Variants in SMIM14 observed in about 807,000 individuals in gnomAD.
The protein encoded by SMIM14 is small integral membrane protein 14, also known as chromosome 4 open reading frame 34.
A neutral mutation model predicts 12.6 loss-of-function variants in SMIM14; 5 were observed. The ratio of observed to expected loss-of-function variants is 0.40; its 90% CI spans 0.21 to 0.83. SMIM14 has a LOEUF of 0.83. Ranked by LOEUF, SMIM14 falls within the 40% of genes least tolerant of loss-of-function variation. The pLI is 0.37. For synonymous variants in SMIM14, 30 were observed against 40.1 expected, an observed-to-expected ratio of 0.75 and a Z score of 0.95; for missense variants, 86 against 119.1, an observed-to-expected ratio of 0.72 and a Z score of 1.29.
At chr4:39,556,404 G>T in intron 4 of SMIM14, 24 bp downstream of exon 4, 1 of 1,601,268 alleles carries the variant, frequency 6.2e-7, no homozygotes, top group Non-Finnish European at 8.5e-7. Context: ...TACCCAAAAA[G>T]CATTTAAAAT....
At chr4:39,587,583 T>A (rs1713850843) in intron 2 of SMIM14, among the ~76,000 whole-genome samples, 1 of 150,990 alleles carries the variant, frequency 6.6e-6, no homozygotes, top group Non-Finnish European at 1.5e-5. Flanking sequence ...CCAAACATGC[T>A]CTTCTAGAAT....
At chr4:39,584,503 A>AAAAAAAAAAAAAAAAAAC (rs1560293029) in intron 2 of SMIM14, among the ~76,000 whole-genome samples, 1 of 139,020 alleles carries the variant, frequency 7.2e-6, no homozygotes, top group Non-Finnish European at 1.6e-5. Context: ...AAAAAAAAAA[A>AAAAAAAAAAAAAAAAAAC]AAGACAAACA....
At chr4:39,628,243 G>A (rs1353616296) in intron 1 of SMIM14, among the ~76,000 whole-genome samples, 2 of 150,334 alleles carry the variant, frequency 1.3e-5, no homozygotes, top group African/African-American at 4.9e-5. Context: ...GGAGGCAGAC[G>A]TTGCAGTGAG....
rs1560289687 is a variant in SMIM14, at chr4:39,576,674, ATATATATATATTTTTTTTTTTTT to A, written c.76-4234_76-4212del. On this transcript the variant is annotated intron_variant, in intron 2 of 4. Coordinates refer to ENST00000295958, the MANE Select transcript of SMIM14 (RefSeq NM_174921.3). ...TGTGTGTATGTGTATATATATATATATATATATATATTTTTTTTTTTTTTTTTTTTTTTTTTTTTTTTTTTTTT... is the reference window on the plus strand; with the variant it reads ...TGTGTGTATGTGTATATATATATATATTTTTTTTTTTTTTTTTTTTTTTTT... 2.5e-3 allele frequency among the ~76,000 whole-genome samples: 72 copies of A among 28,242 alleles called. 1 individual carries two copies. The highest frequency in any genetic ancestry group is 7.7e-3 in the African/African-American group (72 of 9,318). The allele number at this position is 28,242 out of a possible 152,430, so 18.5% of individuals were successfully genotyped here.
chr4:39,606,566 G>C (rs1010419319), intron 1 of SMIM14, among the ~76,000 whole-genome samples: 2 of 150,742 alleles, frequency 1.3e-5, no homozygotes, highest in Admixed American at 6.7e-5. Flanking sequence ...GCTTGAATCC[G>C]GGAGGCAGAT....
At chr4:39,580,715 CG>C (rs1412295038) in intron 2 of SMIM14, among the ~76,000 whole-genome samples, 2 of 151,744 alleles carry the variant, frequency 1.3e-5, no homozygotes, top group Non-Finnish European at 2.9e-5. Flanking sequence ...TCAGTAGAGA[CG>C]GGGTTTCACC....
chr4:39,570,185 G>C (rs895034574), intron 3 of SMIM14, among the ~76,000 whole-genome samples: 3 of 151,608 alleles, frequency 2.0e-5, no homozygotes, highest in Non-Finnish European at 2.9e-5. Context: ...TTGTTTTAGA[G>C]AGTCTCGCCC....
In SMIM14 at chr4:39,547,863, G is replaced by C. The variant is rs1358742996; in HGVS notation, c.*4263C>G. The C allele has an allele frequency of 6.6e-6, 1 of 151,482 alleles. No homozygotes were observed. Among genetic ancestry groups the C allele is most frequent in the Non-Finnish European group, 1.5e-5 (1 of 67,944 alleles). 9.4% of individuals were successfully genotyped at this position (151,482 alleles called of 1,614,324 possible). On this transcript the variant is annotated 3_prime_UTR_variant, in exon 5 of 5. Transcript: ENST00000295958. ...TATGAAATATGACTTGCTGACCATG[G>C]AACAGTGCTTGGATAGATAACATGA...
intron 2 of SMIM14, among the ~76,000 whole-genome samples, chr4:39,575,874 C>T (rs368377030): frequency 1.2e-4 from 18 of 150,810 alleles, no homozygotes; most frequent in East Asian, 1.9e-4. Flanking sequence ...GGATTACAGG[C>T]GTGAGCCACC....
chr4:39,606,065 G>T (rs1021503176), intron 1 of SMIM14, among the ~76,000 whole-genome samples: 2 of 152,086 alleles, frequency 1.3e-5, no homozygotes, highest in African/African-American at 2.4e-5. Context: ...AGATATTAAG[G>T]CCAGGCGCAC....
chr4:39,554,087 TCAACACCA>T (rs1336401779), intron 4 of SMIM14, among the ~76,000 whole-genome samples: 3 of 152,192 alleles, frequency 2.0e-5, no homozygotes, highest in African/African-American at 7.2e-5. Flanking sequence ...ACTTCTGATA[TCAACACCA>T]CAACACTGGA....
chr4:39,620,817 T>G (rs1049182352), intron 1 of SMIM14, among the ~76,000 whole-genome samples: 2 of 152,212 alleles, frequency 1.3e-5, no homozygotes, highest in Non-Finnish European at 2.9e-5. Context: ...CTGGCAGGAA[T>G]AAACAAGTTT....
At chr4:39,621,971 C>T (rs1436615159) in intron 1 of SMIM14, among the ~76,000 whole-genome samples, 2 of 151,836 alleles carry the variant, frequency 1.3e-5, no homozygotes, top group East Asian at 1.9e-4. Flanking sequence ...AATGAGCCAC[C>T]GCACTCGGCC....
chr4:39,595,390 T>C (rs1309926366), intron 2 of SMIM14, among the ~76,000 whole-genome samples: 2 of 113,824 alleles, frequency 1.8e-5, no homozygotes, highest in African/African-American at 6.9e-5. Flanking sequence ...AACATCACAC[T>C]CTGGGGACTG....
At chr4:39,619,876 A>ATTTTTTTTT (rs368919092) in intron 1 of SMIM14, among the ~76,000 whole-genome samples, 6 of 115,868 alleles carry the variant, frequency 5.2e-5, no homozygotes, top group African/African-American at 2.1e-4. Context: ...ATATATATAT[A>ATTTTTTTTT]TTTTTTTTTT....
chr4:39,568,885 A>G (rs1277724570), intron 3 of SMIM14, among the ~76,000 whole-genome samples: 3 of 152,214 alleles, frequency 2.0e-5, no homozygotes, highest in Non-Finnish European at 4.4e-5. Flanking sequence ...CTGGGGGGAA[A>G]GAAAAACTTG....
chr4:39,630,131 T>C (rs912458541), intron 1 of SMIM14, among the ~76,000 whole-genome samples: 13 of 152,238 alleles, frequency 8.5e-5, no homozygotes, highest in Non-Finnish European at 1.9e-4. Flanking sequence ...CTGAGCGCAG[T>C]GGCTCACACC....
chr4:39,557,468 C>T (rs1323495358), intron 3 of SMIM14, among the ~76,000 whole-genome samples: 1 of 151,980 alleles, frequency 6.6e-6, no homozygotes, highest in African/African-American at 2.4e-5. Context: ...GAACTCTTTC[C>T]ATTTTAAGAA....
intron 1 of SMIM14, among the ~76,000 whole-genome samples, chr4:39,626,013 G>A (rs1442726328): frequency 1.3e-5 from 2 of 152,188 alleles, no homozygotes; most frequent in Non-Finnish European, 2.9e-5. Flanking sequence ...GCAGAAGGAG[G>A]TGAGGTGCGG....
Sources: allele counts gnomAD v4.1 joint callset (sites outside exome capture counted in the v4.1 genomes callset), GRCh38; gene constraint gnomAD v4.1.1; transcripts MANE v1.5; gene names NCBI Gene and HGNC (gene_info 2026-07-23, HGNC 2026-07-21).